The following TMEM183A variants were observed in gnomAD, a reference collection of about 807,000 sequenced individuals.
TMEM183A encodes the protein transmembrane protein 183A, also known as chromosome 1 open reading frame 37.
In TMEM183A, 21 loss-of-function variants were observed where a neutral mutation model predicts 46.7. That is an observed-to-expected ratio of 0.45 (90% confidence interval 0.32 to 0.65). The LOEUF (loss-of-function observed/expected upper bound fraction) is 0.65. TMEM183A is among the 30% of genes least tolerant of loss of function. TMEM183A has a pLI of 0.04. For synonymous variants in TMEM183A, 165 were observed against 180.2 expected (o/e 0.92, Z 0.68); for missense variants, 331 against 481.9 (o/e 0.69, Z 2.93).
rs1553249434 is a variant in TMEM183A at position 203,012,148 on chromosome 1, T to TCTCACACA, written c.368-2740_368-2739insTCACACAC. Among the ~76,000 whole-genome samples, 666 of 79,460 alleles carry TCTCACACA rather than the reference T, an allele frequency of 8.4e-3. 76 individuals are homozygous for TCTCACACA. The highest frequency in any genetic ancestry group is 0.024 in the Middle Eastern group (3 of 126). 52.1% of individuals were successfully genotyped at this position (79,460 alleles called of 152,430 possible). A position where few individuals can be genotyped will look rare whatever the true frequency, so the allele number is the denominator to read the frequency against. ...ACTTCAACCATTACCCCCCACTCCA[T>TCTCACACA]CACACACACACACACACACACACAC... is the stretch of plus-strand genomic sequence containing the variant. On this transcript the variant is annotated intron_variant, in intron 3 of 7. Coordinates refer to ENST00000367242, the MANE Select transcript of TMEM183A (RefSeq NM_138391.6).
At chr1:203,018,371 G>A in intron 5 of TMEM183A, 110 bp from the exon 6 acceptor site, 1 of 1,267,166 alleles carries the variant, frequency 7.9e-7, no homozygotes, top group Non-Finnish European at 1.1e-6. Flanking sequence ...ACCGTGGCTG[G>A]CTTTAGAGCT....
chr1:203,016,317 G>T (rs1657167378), intron 5 of TMEM183A, 177 bp downstream of exon 5: 1 of 852,710 alleles, frequency 1.2e-6, no homozygotes. Context: ...TGCTGTGCTG[G>T]CTGGCTTATC....
At chr1:203,009,681 A>G (rs782789) in intron 3 of TMEM183A, among the ~76,000 whole-genome samples, 5 of 151,874 alleles carry the variant, frequency 3.3e-5, no homozygotes, top group African/African-American at 1.2e-4. Flanking sequence ...CAGGGGTCTC[A>G]CTATGTTGCC....
intron 3 of TMEM183A, among the ~76,000 whole-genome samples, chr1:203,010,044 G>A (rs1187924717): frequency 6.6e-6 from 1 of 151,686 alleles, no homozygotes; most frequent in African/African-American, 2.4e-5. Flanking sequence ...TGAGGCAGGA[G>A]AATCGCTTGA....
chr1:203,022,806 G>T, intron 7 of TMEM183A, 49 bp from the exon 8 acceptor site: 1 of 1,611,994 alleles, frequency 6.2e-7, no homozygotes, highest in Non-Finnish European at 8.5e-7. Flanking sequence ...TGAGCTCTTG[G>T]AAACCAAGGT....
At chr1:203,010,830 A>G (rs1346100996) in intron 3 of TMEM183A, among the ~76,000 whole-genome samples, 2 of 152,226 alleles carry the variant, frequency 1.3e-5, no homozygotes, top group African/African-American at 4.8e-5. Flanking sequence ...AAGAAACCCC[A>G]TACTTATTAG....
chr1:203,017,740 C>G, intron 5 of TMEM183A: 1 of 985,688 alleles, frequency 1.0e-6, no homozygotes, highest in Non-Finnish European at 1.2e-6. Context: ...TTGATTCCCC[C>G]TCTCTCTCTT....
intron 7 of TMEM183A, among the ~76,000 whole-genome samples, chr1:203,021,506 A>G (rs1657680565): frequency 6.6e-6 from 1 of 152,214 alleles, no homozygotes; most frequent in Admixed American, 6.5e-5. Context: ...CCTTCTTTGT[A>G]GGAAAGGGAA....
intron 6 of TMEM183A, among the ~76,000 whole-genome samples, chr1:203,018,834 G>A (rs1262955969): frequency 1.3e-5 from 2 of 152,216 alleles, no homozygotes; most frequent in African/African-American, 4.8e-5. Flanking sequence ...TCCTCACATG[G>A]TGGAAGGTGG....
rs759161868 is a variant in TMEM183A at position 203,020,879 on chromosome 1, C to T, written c.876C>T (p.Cys292=). ...EDVHTNPDQD[C]CLLQVTTLNF... ...TTCATACCAATCCAGACCAGGACTG[C>T]TGCCTACTGCAGGTCACCACCCTCA... Residue 292 remains cysteine (C), a synonymous_variant, in exon 7 of 8, where the codon TGC becomes TGT. Transcript: ENST00000367242. 6.8e-6 allele frequency: 11 copies of T among 1,613,810 alleles called. No homozygotes were observed. The highest frequency in any genetic ancestry group is 1.1e-5 in the South Asian group (1 of 91,052).
In TMEM183A at chr1:203,024,499, T is replaced by TA. The variant is rs1553251890; in HGVS notation, c.*1460dup. 1.3e-5 allele frequency: 2 copies of TA among 150,678 alleles called. No homozygotes were observed. The highest frequency in any genetic ancestry group is 2.4e-5 in the African/African-American group (1 of 41,258). 9.3% of individuals were successfully genotyped at this position (150,678 alleles called of 1,614,324 possible). On this transcript the variant is annotated 3_prime_UTR_variant, in exon 8 of 8. Transcript: ENST00000367242. Reference sequence around the variant, plus strand: ...ATTCACATTTTTGTTTTTTTTTTTTTACCATCTTCCCTAGGAATATTCCTA... The same window carrying TA: ...ATTCACATTTTTGTTTTTTTTTTTTTAACCATCTTCCCTAGGAATATTCCTA...
In TMEM183A at chr1:203,024,820, G is replaced by A. The variant is rs1439831440; in HGVS notation, c.*1780G>A. 6.6e-6 allele frequency: 1 copy of A among 152,094 alleles called. No individual in the cohort carries two copies. Among genetic ancestry groups the A allele is most frequent in the African/African-American group, 2.4e-5 (1 of 41,406 alleles). The allele number at this position is 152,094 out of a possible 1,614,324, so 9.4% of individuals were successfully genotyped here. ...CGCTTAGGAGTACCTTTAAAAAGGG[G>A]GTGAAATAAATTTGGCTTAATAATT... On this transcript the variant is annotated 3_prime_UTR_variant, in exon 8 of 8. Transcript: ENST00000367242.
In TMEM183A at chr1:203,012,298, C is replaced by A. The variant is rs141824332; in HGVS notation, c.368-2591C>A. ...ACACACGGTTATTTTGAAACAATTTCCAGATATACCATCATCTTTGTAAAT... is the reference window on the plus strand; with the variant it reads ...ACACACGGTTATTTTGAAACAATTTACAGATATACCATCATCTTTGTAAAT... On this transcript the variant is annotated intron_variant, in intron 3 of 7. Coordinates refer to ENST00000367242, the MANE Select transcript of TMEM183A (RefSeq NM_138391.6). 6.8e-4 allele frequency among the ~76,000 whole-genome samples: 76 copies of A among 112,180 alleles called. No homozygotes were observed. The East Asian group carries it at 0.017, about 25-fold the overall frequency. 73.6% of individuals were successfully genotyped at this position (112,180 alleles called of 152,430 possible). A position where few individuals can be genotyped will look rare whatever the true frequency, so the allele number is the denominator to read the frequency against.
chr1:203,007,778 C>T lies in TMEM183A; in HGVS notation c.114C>T (p.Thr38=). Residue 38 remains threonine (T), a synonymous_variant, in exon 2 of 8, where the codon ACC becomes ACT. Coordinates refer to ENST00000367242, the MANE Select transcript of TMEM183A (RefSeq NM_138391.6). Reference sequence around the variant, plus strand: ...AGGGTTGGTGCTGTGTTGCAGTGACCGTGGCGGATTACGCCAACTCGGATC... The same window carrying T: ...AGGGTTGGTGCTGTGTTGCAGTGACTGTGGCGGATTACGCCAACTCGGATC... ...RAHDACSGRV[T]VADYANSDPA... is the part of the protein sequence containing the mutation. 1 of 1,613,948 alleles carries T rather than the reference C, an allele frequency of 6.2e-7. No homozygotes were observed. Among genetic ancestry groups the T allele is most frequent in the South Asian group, 1.1e-5 (1 of 91,052 alleles).
intron 3 of TMEM183A, among the ~76,000 whole-genome samples, chr1:203,012,653 G>T (rs1656775714): frequency 6.6e-6 from 1 of 152,178 alleles, no homozygotes; most frequent in Admixed American, 6.5e-5. Flanking sequence ...TCTAAAGACA[G>T]AAAATTTGTA....
intron 6 of TMEM183A, among the ~76,000 whole-genome samples, chr1:203,019,137 C>T (rs890574735): frequency 6.6e-6 from 1 of 152,150 alleles, no homozygotes; most frequent in African/African-American, 2.4e-5. Context: ...AAGGAAATGC[C>T]TATTGGAGCA....
In TMEM183A at chr1:203,020,835, C is replaced by T; in HGVS notation, c.832C>T (p.Pro278Ser). ...KSKCTGGLQP[P>S]VQYEDVHTNP... is the part of the protein sequence containing the mutation. ...CAAGTGTACAGGAGGATTGCAGCCTCCCGTTCAGTACGAAGATGTTCATAC... is the reference window on the plus strand; with the variant it reads ...CAAGTGTACAGGAGGATTGCAGCCTTCCGTTCAGTACGAAGATGTTCATAC... The change falls in exon 7 of 8, where the codon CCC (proline) becomes TCC (serine). Residue 278 changes from proline to serine, a missense_variant. By Grantham distance (74) the Pro-to-Ser change is moderately conservative. Coordinates refer to ENST00000367242, the MANE Select transcript of TMEM183A (RefSeq NM_138391.6). 3 of 1,613,960 alleles carry T rather than the reference C, an allele frequency of 1.9e-6. No individual in the cohort carries two copies. The highest frequency in any genetic ancestry group is 2.5e-6 in the Non-Finnish European group (3 of 1,179,950).
At position 203,007,408 on chromosome 1, in the gene TMEM183A, C is replaced by T. The variant is rs1013870886; in HGVS notation, c.-58C>T. On this transcript the variant is annotated 5_prime_UTR_variant, in exon 1 of 8. Transcript: ENST00000367242. ...GTTAGCGGCCTCCGGTGTGGGATGG[C>T]CGCGGAGCCGGGCGGAGCTGGCTTG... 1.3e-5 allele frequency: 17 copies of T among 1,340,322 alleles called. No homozygotes were observed. Among genetic ancestry groups the T allele is most frequent in the East Asian group, 9.1e-5 (3 of 33,096 alleles). The allele number at this position is 1,340,322 out of a possible 1,614,324, so 83.0% of individuals were successfully genotyped here. A position where few individuals can be genotyped will look rare whatever the true frequency, so the allele number is the denominator to read the frequency against.
In TMEM183A at chr1:203,007,854, C is replaced by G. The variant is rs774539984; in HGVS notation, c.190C>G (p.Gln64Glu). The stretch of plus-strand genomic sequence containing the variant: ...CAAGAAAGCCGTAGCCAACGCTGTT[C>G]AGCAGGAAGGTAAGCTTTGCGCGAG... ...RVKKAVANAVQQEVKSLCGLE... is the reference protein window; with the variant it reads ...RVKKAVANAVEQEVKSLCGLE... The change falls in exon 2 of 8, where the codon CAG (glutamine) becomes GAG (glutamate). Residue 64 changes from glutamine to glutamate, a missense_variant. By Grantham distance (29) the Gln-to-Glu change is conservative (BLOSUM62 2). This residue lies in a region of TMEM183A where 98 missense variants were observed against 96.1 expected (regional missense o/e 1.02). Transcript: ENST00000367242. 1.4e-5 allele frequency: 22 copies of G among 1,614,096 alleles called. No homozygotes were observed. The highest frequency in any genetic ancestry group is 1.9e-5 in the Non-Finnish European group (22 of 1,179,946).
Sources: allele counts gnomAD v4.1 joint callset (sites outside exome capture counted in the v4.1 genomes callset), GRCh38; gene constraint gnomAD v4.1.1; regional missense constraint gnomAD v4.1.1; transcripts MANE v1.5; gene names NCBI Gene and HGNC (gene_info 2026-07-23, HGNC 2026-07-21).